The following CTNNA2 variants were observed in gnomAD, a reference collection of about 807,000 sequenced individuals.
The protein encoded by CTNNA2 is catenin alpha-2.
In CTNNA2, 42 loss-of-function variants were observed where a neutral mutation model predicts 101.0. The observed-to-expected ratio is 0.42, with a 90% CI of 0.32 to 0.54. The LOEUF (loss-of-function observed/expected upper bound fraction) is 0.54. CTNNA2 is among the 20% of genes least tolerant of loss of function. The pLI, the probability that CTNNA2 is intolerant of heterozygous loss-of-function variation, is 0.14. For missense variants in CTNNA2, 871 were observed against 1,223.1 expected (o/e 0.71, Z 4.29); for synonymous variants, 450 against 456.4 (o/e 0.99, Z 0.18).
intron 2 of CTNNA2, among the ~76,000 whole-genome samples, chr2:79,700,418 G>C (rs758127128): frequency 6.6e-6 from 1 of 152,040 alleles, no homozygotes; most frequent in Non-Finnish European, 1.5e-5. Context: ...TAATGGAGGT[G>C]CCAAGAGAGT....
intron 9 of CTNNA2, among the ~76,000 whole-genome samples, chr2:80,514,905 A>G (rs773691966): frequency 3.0e-4 from 46 of 152,180 alleles, no homozygotes; most frequent in Admixed American, 8.5e-4. Flanking sequence ...GCACACAGGG[A>G]TAGAAGTTCT....
At chr2:79,463,228 A>G (rs1349735621) in intron 4 of CTNNA2, among the ~76,000 whole-genome samples, 1 of 152,082 alleles carries the variant, frequency 6.6e-6, no homozygotes, top group East Asian at 1.9e-4. Flanking sequence ...CTTGGCCAAC[A>G]TGGTGAAACC....
chr2:80,045,921 G>A (rs576620407), intron 7 of CTNNA2, among the ~76,000 whole-genome samples: 6 of 152,244 alleles, frequency 3.9e-5, no homozygotes, highest in South Asian at 2.1e-4. Flanking sequence ...GCCGAAGCGG[G>A]TTTGATTGCC....
intron 1 of CTNNA2, among the ~76,000 whole-genome samples, chr2:79,596,625 T>C (rs1222472295): frequency 7.9e-5 from 12 of 152,070 alleles, no homozygotes; most frequent in Admixed American, 7.2e-4. Context: ...AAAAGAAAGG[T>C]GAGAGCTTTC....
At chr2:79,263,312 G>A (rs2104289555) in intron 2 of CTNNA2, among the ~76,000 whole-genome samples, 1 of 152,202 alleles carries the variant, frequency 6.6e-6, no homozygotes, top group East Asian at 1.9e-4. Flanking sequence ...TCACAATAAT[G>A]AATGAGTTCT....
At chr2:79,591,112 CA>C (rs1676817717) in intron 1 of CTNNA2, among the ~76,000 whole-genome samples, 1 of 152,130 alleles carries the variant, frequency 6.6e-6, no homozygotes, top group Admixed American at 6.5e-5. Flanking sequence ...GAAAGTTAAA[CA>C]ACAAGGTTTT....
At chr2:79,577,842 G>A (rs1052262148) in intron 1 of CTNNA2, among the ~76,000 whole-genome samples, 4 of 152,092 alleles carry the variant, frequency 2.6e-5, no homozygotes, top group African/African-American at 9.7e-5. Context: ...GAGAAAATCT[G>A]AGTCTAATTC....
intron 9 of CTNNA2, among the ~76,000 whole-genome samples, chr2:80,462,817 C>T (rs961038912): frequency 6.6e-6 from 1 of 151,876 alleles, no homozygotes; most frequent in African/African-American, 2.4e-5. Context: ...CTTCTCTATT[C>T]GGTTTCTTTC....
chr2:80,005,026 A>G (rs1277382289), intron 7 of CTNNA2, among the ~76,000 whole-genome samples: 2 of 152,112 alleles, frequency 1.3e-5, no homozygotes, highest in African/African-American at 2.4e-5. Flanking sequence ...ATTTTCTAAC[A>G]CAGGAAACTC....
chr2:80,121,548 A>T (rs1287999663), intron 7 of CTNNA2, among the ~76,000 whole-genome samples: 1 of 152,158 alleles, frequency 6.6e-6, no homozygotes, highest in Non-Finnish European at 1.5e-5. Context: ...AAAGTATTGA[A>T]AAGGACCTAA....
At chr2:79,599,356 A>G (rs923943583) in intron 1 of CTNNA2, among the ~76,000 whole-genome samples, 2 of 152,210 alleles carry the variant, frequency 1.3e-5, no homozygotes, top group Non-Finnish European at 2.9e-5. Context: ...GGATATAAAC[A>G]GAAATATGAA....
intron 18 of CTNNA2, among the ~76,000 whole-genome samples, chr2:80,642,729 T>A (rs1573549938): frequency 6.6e-6 from 1 of 152,190 alleles, no homozygotes; most frequent in Non-Finnish European, 1.5e-5. Context: ...AAATATTCAG[T>A]TGATAACATA....
intron 1 of CTNNA2, among the ~76,000 whole-genome samples, chr2:79,197,679 T>C (rs770949767): frequency 2.6e-5 from 4 of 152,222 alleles, no homozygotes; most frequent in South Asian, 4.1e-4. Flanking sequence ...CCGTTTTATG[T>C]TACTATTAAT....
At chr2:79,400,527 C>G (rs891894266) in intron 4 of CTNNA2, among the ~76,000 whole-genome samples, 2 of 151,942 alleles carry the variant, frequency 1.3e-5, no homozygotes, top group Non-Finnish European at 2.9e-5. Flanking sequence ...AGCAGTTCAG[C>G]TGCAGATGCG....
At chr2:79,868,696 A>G (rs1354129536) in intron 4 of CTNNA2, among the ~76,000 whole-genome samples, 3 of 152,058 alleles carry the variant, frequency 2.0e-5, no homozygotes, top group Non-Finnish European at 2.9e-5. Flanking sequence ...CTGCCCAAGT[A>G]TTTTTTGCAT....
chr2:80,125,251 C>A (rs755672081), intron 7 of CTNNA2, among the ~76,000 whole-genome samples: 7 of 152,072 alleles, frequency 4.6e-5, no homozygotes, highest in Non-Finnish European at 8.8e-5. Flanking sequence ...TTCGAGGTGA[C>A]AAGTCTGGGC....
At chr2:79,330,892 T>C (rs1676856324) in intron 3 of CTNNA2, among the ~76,000 whole-genome samples, 1 of 152,190 alleles carries the variant, frequency 6.6e-6, no homozygotes, top group Non-Finnish European at 1.5e-5. Flanking sequence ...TTTATTAACA[T>C]TGTGAGAACA....
intron 4 of CTNNA2, among the ~76,000 whole-genome samples, chr2:79,497,241 C>T (rs562591616): frequency 3.3e-5 from 5 of 152,188 alleles, no homozygotes; most frequent in South Asian, 2.1e-4. Flanking sequence ...CAGCTCACAA[C>T]GTCTCTCTGT....
intron 7 of CTNNA2, among the ~76,000 whole-genome samples, chr2:79,955,941 A>G (rs931133406): frequency 2.6e-5 from 4 of 152,354 alleles, no homozygotes; most frequent in East Asian, 1.9e-4. Flanking sequence ...CAATGCTTAC[A>G]TACCAGGTTT....
Sources: gnomAD v4.1 joint callset for allele counts (sites outside exome capture counted in the v4.1 genomes callset) on GRCh38, gnomAD v4.1.1 for gene constraint, MANE v1.5 for transcripts, NCBI Gene and HGNC (gene_info 2026-07-23, HGNC 2026-07-21) for gene names.